Variants in SYNE1 observed in about 807,000 individuals in gnomAD.
SYNE1 encodes the protein spectrin repeat containing nuclear envelope protein 1.
In SYNE1, 616 loss-of-function variants were observed where a neutral mutation model predicts 1,111.0. The ratio of observed to expected loss-of-function variants is 0.55; its 90% CI spans 0.52 to 0.59. SYNE1 has a LOEUF of 0.59. Ranked by LOEUF, SYNE1 falls within the 20% of genes least tolerant of loss-of-function variation. The pLI is 0.00. For synonymous variants in SYNE1, 3,855 were observed against 3,825.8 expected, an observed-to-expected ratio of 1.01 and a Z score of -0.28; for missense variants, 10,006 against 10,417.0, an observed-to-expected ratio of 0.96 and a Z score of 1.72.
chr6:152,231,259 C>T, intron 114 of SYNE1, 132 bp downstream of exon 114: 2 of 892,890 alleles, frequency 2.2e-6, no homozygotes, highest in South Asian at 2.8e-5. Context: ...GGTGATTAAC[C>T]TTCAGCGGTA....
intron 42 of SYNE1, among the ~76,000 whole-genome samples, chr6:152,410,593 G>A (rs1235386333): frequency 6.6e-6 from 1 of 152,180 alleles, no homozygotes; most frequent in Non-Finnish European, 1.5e-5. Flanking sequence ...AAATCAGCCT[G>A]GCTTGGTGGC....
At chr6:152,579,744 G>C (rs2099513109) in intron 3 of SYNE1, among the ~76,000 whole-genome samples, 1 of 152,086 alleles carries the variant, frequency 6.6e-6, no homozygotes, top group Admixed American at 6.6e-5. Flanking sequence ...TCGATGTTTA[G>C]CTCCCACTTA....
chr6:152,210,309 T>C (rs2077300221), intron 124 of SYNE1, among the ~76,000 whole-genome samples: 1 of 152,236 alleles, frequency 6.6e-6, no homozygotes, highest in Non-Finnish European at 1.5e-5. Context: ...CATGTGAGTA[T>C]TTAATTTTTA....
At chr6:152,434,152 G>A in intron 33 of SYNE1, 1 of 578,692 alleles carries the variant, frequency 1.7e-6, no homozygotes. Context: ...AACATTTAAT[G>A]AGGCAGTATC....
intron 82 of SYNE1, among the ~76,000 whole-genome samples, chr6:152,323,176 C>T (rs1375167298): frequency 1.3e-5 from 2 of 152,160 alleles, no homozygotes; most frequent in Non-Finnish European, 2.9e-5. Flanking sequence ...AGGGGCCGGG[C>T]GCGGTGGCTC....
At chr6:152,328,380 T>TTTTATATTA (rs2096141029) in intron 78 of SYNE1, among the ~76,000 whole-genome samples, 2 of 137,512 alleles carry the variant, frequency 1.5e-5, no homozygotes. Flanking sequence ...TCTTATTTTA[T>TTTTATATTA]TTTATTTATT....
chr6:152,171,816 T>C (rs2065276384), intron 130 of SYNE1, among the ~76,000 whole-genome samples: 1 of 152,176 alleles, frequency 6.6e-6, no homozygotes, highest in African/African-American at 2.4e-5. Flanking sequence ...TATTTACAGA[T>C]TTTTCTATGG....
At chr6:152,425,874 A>G (rs1336029129) in intron 38 of SYNE1, among the ~76,000 whole-genome samples, 1 of 152,238 alleles carries the variant, frequency 6.6e-6, no homozygotes, top group Non-Finnish European at 1.5e-5. Flanking sequence ...CAAATCTAGA[A>G]GCTGTAGAAT....
chr6:152,608,444 T>G (rs1190545527), intron 3 of SYNE1, among the ~76,000 whole-genome samples: 2 of 152,250 alleles, frequency 1.3e-5, no homozygotes, highest in African/African-American at 4.8e-5. Context: ...ATATTAGTTA[T>G]GCTTTTCAAC....
intron 3 of SYNE1, among the ~76,000 whole-genome samples, chr6:152,555,430 G>A (rs2099361652): frequency 6.6e-6 from 1 of 152,134 alleles, no homozygotes; most frequent in Admixed American, 6.5e-5. Context: ...ATGCTATTCA[G>A]GTTGATAGCC....
chr6:152,410,442 AC>A (rs2098009540), intron 42 of SYNE1: 1 of 152,040 alleles, frequency 6.6e-6, no homozygotes, highest in East Asian at 1.9e-4. Context: ...ACACACACAA[AC>A]AAAAAACAGC....
Position 152,230,829 on chromosome 6 carries a change from A to T in SYNE1, c.21040-127T>A, listed in dbSNP as rs944528979. On this transcript the variant is annotated intron_variant, in intron 114 of 145. Transcript: ENST00000367255. ...TCTTAAAATACAGTTCATCGTATAT[A>T]TGATTTAAAACAGGGGTGTCTAATC... The T allele has an allele frequency of 3.5e-6, 4 of 1,126,856 alleles. No individual in the cohort carries two copies. In the African/African-American group the frequency reaches 4.7e-5, roughly 13 times the overall value. The allele number at this position is 1,126,856 out of a possible 1,614,324, so 69.8% of individuals were successfully genotyped here. A position where few individuals can be genotyped will look rare whatever the true frequency, so the allele number is the denominator to read the frequency against.
intron 120 of SYNE1, 93 bp downstream of exon 120, chr6:152,218,910 T>C (rs752302365): frequency 4.2e-5 from 55 of 1,319,930 alleles, no homozygotes; most frequent in Non-Finnish European, 5.7e-5. Context: ...GAAGGAGGCA[T>C]TGTTGCCATG....
At chr6:152,473,856 G>A (rs2098820466) in intron 14 of SYNE1, among the ~76,000 whole-genome samples, 1 of 152,094 alleles carries the variant, frequency 6.6e-6, no homozygotes, top group African/African-American at 2.4e-5. Flanking sequence ...GTCTTTACAA[G>A]CTACCCAAAC....
chr6:152,562,821 A>G (rs1436245096), intron 3 of SYNE1, among the ~76,000 whole-genome samples: 1 of 152,200 alleles, frequency 6.6e-6, no homozygotes, highest in Non-Finnish European at 1.5e-5. Flanking sequence ...AAAACTCTAA[A>G]TATCAATCAT....
At chr6:152,567,273 T>G (rs77949816) in intron 3 of SYNE1, among the ~76,000 whole-genome samples, 3,388 of 152,298 alleles carry the variant, frequency 0.022, 82 homozygotes, top group East Asian at 0.13. Flanking sequence ...TGCCACAATT[T>G]CTTCATCCAT....
At chr6:152,318,784 A>G (rs2095799447) in intron 85 of SYNE1, 79 bp downstream of exon 85, 2 of 1,560,084 alleles carry the variant, frequency 1.3e-6, no homozygotes, top group Non-Finnish European at 1.7e-6. Context: ...AAAGGTTTTT[A>G]TCCTATATCC....
At chr6:152,268,260 G>A (rs1183260632) in intron 99 of SYNE1, 95 bp from the exon 100 acceptor site, 55 of 975,522 alleles carry the variant, frequency 5.6e-5, no homozygotes, top group South Asian at 2.0e-4. Flanking sequence ...AGAGAACTTC[G>A]GTAGTGAGCT....
At chr6:152,195,811 T>C (rs1389703476) in intron 127 of SYNE1, among the ~76,000 whole-genome samples, 2 of 132,496 alleles carry the variant, frequency 1.5e-5, no homozygotes, top group Non-Finnish European at 3.2e-5. Flanking sequence ...TAACCACTAC[T>C]TGGCTACTCT....
Sources: allele counts gnomAD v4.1 joint callset (sites outside exome capture counted in the v4.1 genomes callset), GRCh38; gene constraint gnomAD v4.1.1; transcripts MANE v1.5; gene names NCBI Gene and HGNC (gene_info 2026-07-23, HGNC 2026-07-21).